THADA: variants seen among roughly 807,000 people sequenced by gnomAD.
The protein encoded by THADA is THADA armadillo repeat containing.
Under a neutral mutation model 219.8 loss-of-function variants are expected in THADA, and 213 were observed. That is an observed-to-expected ratio of 0.97 (90% CI 0.87 to 1.09). The LOEUF (loss-of-function observed/expected upper bound fraction) is 1.09, where lower values mean the gene tolerates loss of function less well. Ranked by LOEUF, THADA falls within the 50% of genes least tolerant of loss-of-function variation. The pLI, the probability that THADA is intolerant of heterozygous loss-of-function variation, is 0.00. For missense variants in THADA, 2,956 were observed against 2,311.3 expected (o/e 1.28, Z -5.72); for synonymous variants, 1,018 against 828.9 (o/e 1.23, Z -3.92).
At position 43,291,716 on chromosome 2, in the gene THADA, G is replaced by A. The variant is rs1246993734; in HGVS notation, c.4990C>T (p.His1664Tyr). 1 of 1,557,072 alleles carries A rather than the reference G, an allele frequency of 6.4e-7. No homozygotes were observed. The highest frequency in any genetic ancestry group is 1.7e-4 in the Middle Eastern group (1 of 5,992). ...LRLASKVISH[H>Y]MQTCVENREL... ...CTTACCTCCACACATGTCTGCATGT[G>A]GTGGGAAATGACTTTGGAAGCAAGT... Residue 1664 changes from histidine to tyrosine, a missense_variant, in exon 34 of 38, where the codon CAC becomes TAC. Coordinates refer to ENST00000405975, the MANE Select transcript of THADA (RefSeq NM_022065.5).
At chr2:43,542,333 T>A (rs1695434300) in intron 20 of THADA, among the ~76,000 whole-genome samples, 1 of 152,194 alleles carries the variant, frequency 6.6e-6, no homozygotes, top group Non-Finnish European at 1.5e-5. Flanking sequence ...CTTGGAGGAA[T>A]TTAATTTGTT....
chr2:43,404,193 G>A (rs1675240334), intron 28 of THADA, among the ~76,000 whole-genome samples: 1 of 151,744 alleles, frequency 6.6e-6, no homozygotes, highest in Non-Finnish European at 1.5e-5. Flanking sequence ...CTATGCTAAG[G>A]TATTACATTT....
chr2:43,397,821 G>C, intron 29 of THADA, 150 bp downstream of exon 29: 1 of 681,672 alleles, frequency 1.5e-6, no homozygotes, highest in Non-Finnish European at 2.4e-6. Context: ...ATAACTAGGA[G>C]ATACCTGATC....
intron 16 of THADA, 34 bp from the exon 17 acceptor site, chr2:43,556,589 T>C: frequency 1.3e-6 from 2 of 1,579,320 alleles, no homozygotes; most frequent in Non-Finnish European, 1.7e-6. Flanking sequence ...AACTGTCAAA[T>C]TAAAGATCTC....
chr2:43,351,836 G>A (rs751568124), intron 29 of THADA, among the ~76,000 whole-genome samples: 46 of 152,182 alleles, frequency 3.0e-4, no homozygotes, highest in Admixed American at 1.0e-3. Context: ...ATTTGTCTTG[G>A]ATAATCTCTC....
chr2:43,548,527 C>T (rs753770360), intron 20 of THADA, among the ~76,000 whole-genome samples: 2 of 152,194 alleles, frequency 1.3e-5, no homozygotes, highest in African/African-American at 2.4e-5. Context: ...CCACCCAGTT[C>T]GAGCTTCCTG....
intron 29 of THADA, among the ~76,000 whole-genome samples, chr2:43,362,240 T>A (rs560124072): frequency 6.6e-6 from 1 of 152,356 alleles, no homozygotes; most frequent in Non-Finnish European, 1.5e-5. Flanking sequence ...GATGTTCACA[T>A]AATGAAGCAT....
At chr2:43,480,820 G>A (rs1292072985) in intron 26 of THADA, among the ~76,000 whole-genome samples, 3 of 149,222 alleles carry the variant, frequency 2.0e-5, no homozygotes, top group African/African-American at 7.4e-5. Context: ...TCTGTCTTGG[G>A]GGGGAAAAAA....
intron 31 of THADA, 25 bp from the exon 32 acceptor site, chr2:43,293,238 G>A: frequency 6.3e-7 from 1 of 1,583,316 alleles, no homozygotes; most frequent in African/African-American, 1.4e-5. Flanking sequence ...AAGCAAAAGG[G>A]AAAGAGATAA....
intron 29 of THADA, among the ~76,000 whole-genome samples, chr2:43,357,821 T>TG (rs1669048506): frequency 6.6e-6 from 1 of 152,216 alleles, no homozygotes; most frequent in South Asian, 2.1e-4. Flanking sequence ...AGTTGTTAAT[T>TG]GGGGGAGTGG....
chr2:43,357,122 A>T (rs530991772), intron 29 of THADA, among the ~76,000 whole-genome samples: 1 of 152,358 alleles, frequency 6.6e-6, no homozygotes, highest in East Asian at 1.9e-4. Context: ...GGGAACTGCA[A>T]GTATTTAGCA....
In THADA at chr2:43,574,488, C is replaced by G. The variant is rs775651138; in HGVS notation, c.1577G>C (p.Trp526Ser). Reference sequence around the variant, plus strand: ...CAATATAAAAAGGAGAGGAGAAACCCAAGTCTCATGCCACTGGTCAATCCA... The same window carrying G: ...CAATATAAAAAGGAGAGGAGAAACCGAAGTCTCATGCCACTGGTCAATCCA... ...SSWIDQWHET[W>S]VSPLLFILCE... Residue 526 changes from tryptophan to serine, a missense_variant, in exon 11 of 38, where the codon TGG becomes TCG. By Grantham distance (177) the Trp-to-Ser change is radical. Coordinates refer to ENST00000405975, the MANE Select transcript of THADA (RefSeq NM_022065.5). The G allele has an allele frequency of 1.2e-6, 2 of 1,613,690 alleles. No individual in the cohort carries two copies. The highest frequency in any genetic ancestry group is 1.7e-6 in the Non-Finnish European group (2 of 1,179,854).
In THADA at chr2:43,574,683, A is replaced by C; in HGVS notation, c.1382T>G (p.Leu461Trp). 6.2e-7 allele frequency: 1 copy of C among 1,614,068 alleles called. No individual in the cohort carries two copies. ...ATGTTCAACTCCTATGCACTCTACC[A>C]AACAACCAAGGCACGTGTACTTTCC... The part of the protein sequence containing the change: ...IKGKYTCLGC[L>W]VECIGVEHIL... Residue 461 changes from leucine (L) to tryptophan (W), a missense_variant, in exon 11 of 38, where the codon TTG (leucine) becomes TGG (tryptophan). Leu to Trp is a moderately conservative substitution (Grantham distance 61). Transcript: ENST00000405975.
rs140432730 is a variant in THADA at position 43,439,741 on chromosome 2, T to C, written c.3837-9439A>G. Among the ~76,000 whole-genome samples, 404 of 152,328 alleles carry C rather than the reference T, an allele frequency of 2.7e-3. 2 individuals carry two copies. Among genetic ancestry groups the C allele is most frequent in the African/African-American group, 9.5e-3 (397 of 41,580 alleles). On this transcript the variant is annotated intron_variant, in intron 26 of 37. Transcript: ENST00000405975. ...GTGTATATACGGTTCAGCGTATCCATGGTTCGAGGCATCCACTGGGGGTCT... is the reference window on the plus strand; with the variant it reads ...GTGTATATACGGTTCAGCGTATCCACGGTTCGAGGCATCCACTGGGGGTCT...
intron 36 of THADA, among the ~76,000 whole-genome samples, chr2:43,273,270 C>CAACAACAAAAA (rs1159956117): frequency 8.6e-6 from 1 of 115,940 alleles, no homozygotes; most frequent in African/African-American, 3.3e-5. Context: ...ACAACAACAA[C>CAACAACAAAAA]AAAAAAAAAA....
At chr2:43,301,527 T>C (rs1676264860) in intron 31 of THADA, among the ~76,000 whole-genome samples, 1 of 152,118 alleles carries the variant, frequency 6.6e-6, no homozygotes, top group African/African-American at 2.4e-5. Flanking sequence ...CCCTATTCCA[T>C]CTCAGTACCC....
At position 43,344,257 on chromosome 2, in the gene THADA, A is replaced by G; in HGVS notation, c.4228-20T>C. ...AAAAACCTAAACCAAAAAAGAAAAA[A>G]AAATCCTGCTGTGAAAATATATTTT... On this transcript the variant is annotated intron_variant, in intron 29 of 37. Transcript: ENST00000405975. 1.3e-6 allele frequency: 2 copies of G among 1,524,926 alleles called. No homozygotes were observed. Among genetic ancestry groups the G allele is most frequent in the East Asian group, 2.3e-5 (1 of 43,972 alleles). The allele number at this position is 1,524,926 out of a possible 1,614,324, so 94.5% of individuals were successfully genotyped here.
At chr2:43,332,268 A>G (rs1429834917) in intron 30 of THADA, among the ~76,000 whole-genome samples, 6 of 152,310 alleles carry the variant, frequency 3.9e-5, no homozygotes, top group Admixed American at 2.0e-4. Flanking sequence ...TTATCTAATA[A>G]TTAAACTCAC....
chr2:43,404,000 C>T (rs992659903), intron 28 of THADA, among the ~76,000 whole-genome samples: 1 of 152,212 alleles, frequency 6.6e-6, no homozygotes, highest in Non-Finnish European at 1.5e-5. Context: ...GGGTGACACA[C>T]AGCAGGCTGA....
Sources: gnomAD v4.1 joint callset for allele counts (sites outside exome capture counted in the v4.1 genomes callset) on GRCh38, gnomAD v4.1.1 for gene constraint, MANE v1.5 for transcripts, NCBI Gene and HGNC (gene_info 2026-07-23, HGNC 2026-07-21) for gene names.